IL12RB2: variants seen among roughly 807,000 people sequenced by gnomAD.
IL12RB2 encodes interleukin 12 receptor subunit beta 2.
A neutral mutation model predicts 89.4 loss-of-function variants in IL12RB2; 82 were observed. That is an observed-to-expected ratio of 0.92 (90% CI 0.77 to 1.10). The LOEUF is 1.10. Ranked by LOEUF, IL12RB2 falls within the 50% of genes least tolerant of loss-of-function variation. The pLI, the probability that IL12RB2 is intolerant of heterozygous loss-of-function variation, is 0.00. For synonymous variants in IL12RB2, 368 were observed against 370.1 expected (o/e 0.99, Z 0.07); for missense variants, 963 against 1,031.9 (o/e 0.93, Z 0.92).
At chr1:67,309,955 A>G (rs80141147) in intron 1 of IL12RB2, among the ~76,000 whole-genome samples, 19,288 of 151,984 alleles carry the variant, frequency 0.13, 1,353 homozygotes, top group East Asian at 0.17. Context: ...TGGGGGGATC[A>G]CCTGAGGTCA....
intron 9 of IL12RB2, among the ~76,000 whole-genome samples, chr1:67,339,384 G>C (rs778575203): frequency 2.0e-5 from 3 of 152,116 alleles, no homozygotes; most frequent in Non-Finnish European, 4.4e-5. Context: ...CTACTGGGGA[G>C]GCTGAGGCAC....
intron 9 of IL12RB2, among the ~76,000 whole-genome samples, chr1:67,349,899 C>T (rs1660640567): frequency 6.6e-6 from 1 of 152,190 alleles, no homozygotes. Context: ...TATAAGTGAA[C>T]CAGATGTTCA....
At chr1:67,321,009 T>C (rs1426899349) in intron 3 of IL12RB2, among the ~76,000 whole-genome samples, 1 of 151,716 alleles carries the variant, frequency 6.6e-6, no homozygotes, top group African/African-American at 2.4e-5. Context: ...TTTCTGTTCT[T>C]GTGTTGGTTT....
intron 13 of IL12RB2, among the ~76,000 whole-genome samples, chr1:67,378,718 C>T (rs528766905): frequency 4.1e-4 from 62 of 151,610 alleles, no homozygotes; most frequent in African/African-American, 1.5e-3. Flanking sequence ...AGCATGGTGG[C>T]GTGTGCCTAT....
chr1:67,339,781 G>A (rs959956871), intron 9 of IL12RB2, among the ~76,000 whole-genome samples: 5 of 152,188 alleles, frequency 3.3e-5, no homozygotes, highest in African/African-American at 1.2e-4. Context: ...GGAAGTTCTT[G>A]CCCAAAGTCA....
intron 13 of IL12RB2, among the ~76,000 whole-genome samples, chr1:67,378,133 AAC>A (rs1033350642): frequency 3.0e-4 from 6 of 20,190 alleles, no homozygotes; most frequent in Non-Finnish European, 9.3e-4. Context: ...CAAAACAAAC[AAC>A]AACAACAACA....
intron 8 of IL12RB2, among the ~76,000 whole-genome samples, chr1:67,333,406 T>A (rs1041525493): frequency 1.3e-5 from 2 of 151,286 alleles, no homozygotes; most frequent in African/African-American, 2.4e-5. Context: ...TTTTTTTTTT[T>A]TAGGTACTCT....
At chr1:67,320,596 A>G (rs1393941890) in intron 3 of IL12RB2, 152 bp downstream of exon 3, 1 of 1,332,920 alleles carries the variant, frequency 7.5e-7, no homozygotes, top group Non-Finnish European at 1.0e-6. Context: ...TCTGTCTATA[A>G]CTAATAGTTA....
intron 8 of IL12RB2, 146 bp from the exon 9 acceptor site, chr1:67,338,478 C>G: frequency 3.7e-6 from 2 of 534,622 alleles, no homozygotes; most frequent in Non-Finnish European, 7.0e-6. Flanking sequence ...CATTGTTAAA[C>G]AAGAAAAAGA....
intron 10 of IL12RB2, among the ~76,000 whole-genome samples, chr1:67,360,581 A>C (rs1213444023): frequency 2.0e-5 from 3 of 151,998 alleles, no homozygotes; most frequent in Non-Finnish European, 4.4e-5. Context: ...AGATCACTTG[A>C]GGTCAGGAGT....
chr1:67,370,948 T>G (rs770930364), intron 11 of IL12RB2, among the ~76,000 whole-genome samples: 20 of 152,224 alleles, frequency 1.3e-4, no homozygotes, highest in Non-Finnish European at 1.9e-4. Flanking sequence ...TGCCCTGAAC[T>G]CACATTTTGA....
Position 67,396,113 on chromosome 1 carries a change from G to A in IL12RB2, c.*24G>A, listed in dbSNP as rs768173381. 8 of 1,423,350 alleles carry A rather than the reference G, an allele frequency of 5.6e-6. No homozygotes were observed. The South Asian group carries it at 8.0e-5, about 14-fold the overall frequency. The allele number at this position is 1,423,350 out of a possible 1,614,324, so 88.2% of individuals were successfully genotyped here. On this transcript the variant is annotated 3_prime_UTR_variant, in exon 17 of 17. Transcript: ENST00000674203. ...GAGTGGTGAGGCTTCAAGCCTTAAA[G>A]TCAGTGTGCCCTCAACCAGCACAGC...
rs376794020 is a variant in IL12RB2, at chr1:67,328,362, C to T, written c.642C>T (p.Ser214=). Residue 214 remains serine, a synonymous_variant, in exon 6 of 17, where the codon TCC becomes TCT. Coordinates refer to ENST00000674203, the MANE Select transcript of IL12RB2 (RefSeq NM_001374259.2). ...NSLGSSSSLP[S]TFTFLDIVRP... ...TTGGAAGCTCCTCTTCACTTCCATCCACATTCACATTCTTGGACATAGGTA... is the reference window on the plus strand; with the variant it reads ...TTGGAAGCTCCTCTTCACTTCCATCTACATTCACATTCTTGGACATAGGTA... The T allele has an allele frequency of 1.2e-6, 2 of 1,614,024 alleles. No individual in the cohort carries two copies. The highest frequency in any genetic ancestry group is 1.3e-5 in the African/African-American group (1 of 74,924).
intron 4 of IL12RB2, among the ~76,000 whole-genome samples, chr1:67,324,099 T>C (rs1394625649): frequency 6.6e-6 from 1 of 152,252 alleles, no homozygotes; most frequent in Non-Finnish European, 1.5e-5. Flanking sequence ...TATAGTATTC[T>C]ATATGGCTCA....
At chr1:67,377,426 C>A (rs10889685) in intron 13 of IL12RB2, among the ~76,000 whole-genome samples, 106,128 of 151,984 alleles carry the variant, frequency 0.7, 37,201 homozygotes, top group South Asian at 0.73. Context: ...GGAAAATAAA[C>A]TCTCAAGACC....
chr1:67,356,770 A>G, intron 10 of IL12RB2, among the ~76,000 whole-genome samples: 1 of 152,206 alleles, frequency 6.6e-6, no homozygotes, highest in East Asian at 1.9e-4. Flanking sequence ...AAGGTTGTTG[A>G]CCAATCAAAG....
At chr1:67,384,879 C>T (rs1308351543) in intron 14 of IL12RB2, among the ~76,000 whole-genome samples, 1 of 152,222 alleles carries the variant, frequency 6.6e-6, no homozygotes. Context: ...CACATCACTA[C>T]CAGCATTTTG....
intron 1 of IL12RB2, among the ~76,000 whole-genome samples, chr1:67,312,719 T>TAA (rs1034033783): frequency 2.3e-5 from 3 of 131,068 alleles, no homozygotes; most frequent in Non-Finnish European, 5.0e-5. Flanking sequence ...ACATTGAATT[T>TAA]AAAAAAAAAA....
At chr1:67,360,866 T>C (rs1557445009) in intron 10 of IL12RB2, among the ~76,000 whole-genome samples, 2 of 152,024 alleles carry the variant, frequency 1.3e-5, no homozygotes, top group East Asian at 1.9e-4. Context: ...ACTGTTTTAA[T>C]AGGGCTGAAC....
Sources: allele counts gnomAD v4.1 joint callset (sites outside exome capture counted in the v4.1 genomes callset), GRCh38; gene constraint gnomAD v4.1.1; transcripts MANE v1.5; gene names NCBI Gene and HGNC (gene_info 2026-07-23, HGNC 2026-07-21).